CCDC7: variants seen among roughly 807,000 people sequenced by gnomAD.
CCDC7 encodes the protein coiled-coil domain containing 7.
In CCDC7, 183 loss-of-function variants were observed where a neutral mutation model predicts 196.9. That is an observed-to-expected ratio of 0.93 (90% CI 0.82 to 1.05). The LOEUF is 1.05. CCDC7 is among the 50% of genes least tolerant of loss of function. The pLI, the probability that CCDC7 is intolerant of heterozygous loss-of-function variation, is 0.00. For missense variants in CCDC7, 1,540 were observed against 1,482.2 expected (o/e 1.04, Z -0.64); for synonymous variants, 525 against 484.6 (o/e 1.08, Z -1.10).
At chr10:32,565,843 T>G (rs1030007319) in intron 14 of CCDC7, among the ~76,000 whole-genome samples, 2 of 152,144 alleles carry the variant, frequency 1.3e-5, no homozygotes, top group African/African-American at 2.4e-5. Context: ...TAAACTTTCT[T>G]AAGCTAATAA....
chr10:32,804,948 CA>C (rs530747295), intron 29 of CCDC7, 66 bp from the exon 31 acceptor site: 504 of 923,792 alleles, frequency 5.5e-4, no homozygotes, highest in African/African-American at 1.3e-3. Context: ...CACACACACA[CA>C]CACCCCTCAC....
chr10:32,770,798 C>T (rs761405411), intron 28 of CCDC7, among the ~76,000 whole-genome samples: 1 of 152,104 alleles, frequency 6.6e-6, no homozygotes, highest in Non-Finnish European at 1.5e-5. Context: ...ATTGTAATAT[C>T]TGCTTGTTGA....
At chr10:32,703,470 G>A (rs1178967708) in intron 24 of CCDC7, among the ~76,000 whole-genome samples, 1 of 151,838 alleles carries the variant, frequency 6.6e-6, no homozygotes, top group African/African-American at 2.4e-5. Flanking sequence ...TTTCTACTTT[G>A]GTGAATCTGA....
At chr10:32,790,372 C>T (rs1266517672) in intron 29 of CCDC7, among the ~76,000 whole-genome samples, 1 of 152,224 alleles carries the variant, frequency 6.6e-6, no homozygotes, top group East Asian at 1.9e-4. Flanking sequence ...GCGGAACTAA[C>T]ACCACATAAA....
At chr10:32,580,848 T>C (rs2058669272) in intron 16 of CCDC7, among the ~76,000 whole-genome samples, 1 of 149,550 alleles carries the variant, frequency 6.7e-6, no homozygotes, top group Non-Finnish European at 1.5e-5. Context: ...AAAGAAAGTA[T>C]TGGAAAGAAA....
intron 8 of CCDC7, among the ~76,000 whole-genome samples, chr10:32,476,010 G>A (rs1187420246): frequency 6.6e-6 from 1 of 152,088 alleles, no homozygotes; most frequent in Admixed American, 6.5e-5. Context: ...TTAACATTTT[G>A]CATTAATGTG....
intron 41 of CCDC7, among the ~76,000 whole-genome samples, chr10:32,858,950 C>T (rs2093867436): frequency 6.6e-6 from 1 of 152,148 alleles, no homozygotes; most frequent in Admixed American, 6.5e-5. Flanking sequence ...GAGACTTAGA[C>T]TCCCACACAA....
intron 31 of CCDC7, among the ~76,000 whole-genome samples, chr10:32,823,107 T>G (rs2090526484): frequency 6.6e-6 from 1 of 152,128 alleles, no homozygotes; most frequent in East Asian, 1.9e-4. Context: ...TACAAAATGT[T>G]GTTATTGAAT....
chr10:32,622,732 T>C (rs546137678), intron 18 of CCDC7, among the ~76,000 whole-genome samples: 2 of 152,194 alleles, frequency 1.3e-5, no homozygotes, highest in African/African-American at 2.4e-5. Context: ...AAAAATGTAA[T>C]TGAGCACCGC....
chr10:32,615,687 A>G (rs1338865348), intron 18 of CCDC7, among the ~76,000 whole-genome samples: 1 of 151,974 alleles, frequency 6.6e-6, no homozygotes, highest in African/African-American at 2.4e-5. Flanking sequence ...ATTAAGTCCC[A>G]TATGTCTATT....
intron 32 of CCDC7, among the ~76,000 whole-genome samples, chr10:32,833,763 C>A (rs1307664095): frequency 6.6e-6 from 1 of 151,948 alleles, no homozygotes; most frequent in Non-Finnish European, 1.5e-5. Context: ...CTAAATTGTT[C>A]CTATTTCTAT....
intron 3 of CCDC7, among the ~76,000 whole-genome samples, chr10:32,459,497 C>T (rs2133576631): frequency 6.6e-6 from 1 of 152,192 alleles, no homozygotes; most frequent in East Asian, 1.9e-4. Flanking sequence ...AGGGGTGGGG[C>T]AAGACCGAGT....
chr10:32,492,911 CT>C (rs1345192018), intron 9 of CCDC7, among the ~76,000 whole-genome samples: 1 of 151,904 alleles, frequency 6.6e-6, no homozygotes, highest in Non-Finnish European at 1.5e-5. Flanking sequence ...ATTTTTTCAC[CT>C]GTAAACTCAT....
At chr10:32,730,806 C>A (rs1446059467) in intron 28 of CCDC7, among the ~76,000 whole-genome samples, 1 of 151,876 alleles carries the variant, frequency 6.6e-6, no homozygotes, top group Non-Finnish European at 1.5e-5. Context: ...AGATGAAAAT[C>A]TTTTGCCTGC....
intron 25 of CCDC7, among the ~76,000 whole-genome samples, chr10:32,713,058 C>G (rs1473183525): frequency 6.6e-6 from 1 of 152,174 alleles, no homozygotes; most frequent in East Asian, 1.9e-4. Flanking sequence ...CACGAAATAC[C>G]TGGACTGCAG....
intron 15 of CCDC7, among the ~76,000 whole-genome samples, chr10:32,569,370 G>A (rs1005708434): frequency 6.6e-6 from 1 of 152,068 alleles, no homozygotes; most frequent in African/African-American, 2.4e-5. Flanking sequence ...TTTTTGCTGA[G>A]GTTATAGCAA....
intron 25 of CCDC7, among the ~76,000 whole-genome samples, chr10:32,723,680 G>A (rs2142203023): frequency 6.6e-6 from 1 of 151,848 alleles, no homozygotes; most frequent in East Asian, 1.9e-4. Context: ...TGAAAGTGGG[G>A]GTCTATAATG....
intron 28 of CCDC7, among the ~76,000 whole-genome samples, chr10:32,738,671 G>A (rs2085297945): frequency 6.6e-6 from 1 of 151,506 alleles, no homozygotes; most frequent in Non-Finnish European, 1.5e-5. Flanking sequence ...CTAGGTCTTT[G>A]CCATGTTGCC....
intron 9 of CCDC7, among the ~76,000 whole-genome samples, chr10:32,501,033 A>G (rs2095161): frequency 0.14 from 21,010 of 150,372 alleles, 1,759 homozygotes; most frequent in East Asian, 0.25. Context: ...GAGGGAGACC[A>G]TGCAAAGGGG....
Sources: gnomAD v4.1 joint callset for allele counts (sites outside exome capture counted in the v4.1 genomes callset) on GRCh38, gnomAD v4.1.1 for gene constraint, MANE v1.5 for transcripts, NCBI Gene and HGNC (gene_info 2026-07-23, HGNC 2026-07-21) for gene names.